The following MGAT4A variants were observed in gnomAD, a reference collection of about 807,000 sequenced individuals.
MGAT4A encodes the protein alpha-1,3-mannosyl-glycoprotein 4-beta-N-acetylglucosaminyltransferase A.
In MGAT4A, 33 loss-of-function variants were observed where a neutral mutation model predicts 74.1. The observed-to-expected ratio is 0.45, with a 90% CI of 0.34 to 0.60. The LOEUF (loss-of-function observed/expected upper bound fraction) is 0.60, where lower values mean the gene tolerates loss of function less well. Ranked by LOEUF, MGAT4A falls within the 20% of genes least tolerant of loss-of-function variation. MGAT4A has a pLI of 0.02. For missense variants in MGAT4A, 479 were observed against 628.3 expected (o/e 0.76, Z 2.54); for synonymous variants, 198 against 210.4 (o/e 0.94, Z 0.51).
intron 2 of MGAT4A, among the ~76,000 whole-genome samples, chr2:98,687,100 AC>A (rs1201737072): frequency 6.6e-6 from 1 of 152,238 alleles, no homozygotes; most frequent in Non-Finnish European, 1.5e-5. Context: ...TTCCTTAAGT[AC>A]TTTAAAGTTA....
At chr2:98,701,855 G>A (rs946658401) in intron 2 of MGAT4A, among the ~76,000 whole-genome samples, 1 of 152,152 alleles carries the variant, frequency 6.6e-6, no homozygotes, top group Non-Finnish European at 1.5e-5. Flanking sequence ...CTTATGCCCT[G>A]ATGTTGTATG....
chr2:98,724,516 T>C lies in MGAT4A; in HGVS notation c.94+1723A>G, dbSNP rs188541868. Among the ~76,000 whole-genome samples, 177 of 152,330 alleles carry C rather than the reference T, an allele frequency of 1.2e-3. 1 individual carries two copies. The highest frequency in any genetic ancestry group is 3.4e-3 in the Middle Eastern group (1 of 294). On this transcript the variant is annotated intron_variant, in intron 2 of 15. Coordinates refer to ENST00000393487, the MANE Select transcript of MGAT4A (RefSeq NM_012214.3). ...CAAGTAGAAAATCAGAGCAGAAGTT[T>C]GCAAAGAAGAATTATGGAGCTATTC...
At chr2:98,699,663 T>C (rs947566618) in intron 2 of MGAT4A, among the ~76,000 whole-genome samples, 3 of 152,212 alleles carry the variant, frequency 2.0e-5, no homozygotes, top group Non-Finnish European at 4.4e-5. Context: ...CTAATTATGG[T>C]AATTGTAAAA....
At chr2:98,696,131 ACTC>A (rs1255592156) in intron 2 of MGAT4A, among the ~76,000 whole-genome samples, 1 of 152,024 alleles carries the variant, frequency 6.6e-6, no homozygotes, top group African/African-American at 2.4e-5. Flanking sequence ...GATCTGCACA[ACTC>A]AGCCTACCAA....
chr2:98,673,458 A>G (rs1701937174), intron 4 of MGAT4A, among the ~76,000 whole-genome samples: 1 of 152,198 alleles, frequency 6.6e-6, no homozygotes. Context: ...TAAAAATATT[A>G]AGAGCTTTTC....
chr2:98,711,724 C>T (rs957236384), intron 2 of MGAT4A, among the ~76,000 whole-genome samples: 2 of 152,124 alleles, frequency 1.3e-5, no homozygotes, highest in African/African-American at 4.8e-5. Flanking sequence ...GCAGCCTCAA[C>T]CTCCCAGTCC....
chr2:98,729,460 G>A (rs1702813018), intron 1 of MGAT4A, among the ~76,000 whole-genome samples: 1 of 152,070 alleles, frequency 6.6e-6, no homozygotes, highest in Admixed American at 6.5e-5. Flanking sequence ...TTTTATTAGT[G>A]TCCACATTTG....
chr2:98,630,631 T>G (rs1179320609), intron 14 of MGAT4A, among the ~76,000 whole-genome samples: 3 of 152,172 alleles, frequency 2.0e-5, no homozygotes, highest in Non-Finnish European at 4.4e-5. Context: ...ATAGGCATTT[T>G]GTTCCATGAA....
rs1183412661 is a variant in MGAT4A, at chr2:98,656,456, T to G, written c.594A>C (p.Lys198Asn). 6.3e-7 allele frequency: 1 copy of G among 1,594,858 alleles called. No homozygotes were observed. Among genetic ancestry groups the G allele is most frequent in the Non-Finnish European group, 8.5e-7 (1 of 1,171,692 alleles). ...VVANLEKEFSKEISSGLVEVI... is the reference protein window; with the variant it reads ...VVANLEKEFSNEISSGLVEVI... ...CTTCCACCAAGCCAGAACTGATTTCTTTAGAAAATCTATTATGAGAAAGTT... is the reference window on the plus strand; with the variant it reads ...CTTCCACCAAGCCAGAACTGATTTCGTTAGAAAATCTATTATGAGAAAGTT... The change falls in exon 7 of 16, where the codon AAA becomes AAC. Residue 198 changes from lysine (K) to asparagine (N), a missense_variant. Lys to Asn is a moderately conservative substitution (Grantham distance 94). Around this residue, in one of 3 missense-constraint regions of MGAT4A, gnomAD observed 205 missense variants for 232.7 expected, o/e 0.88. Coordinates refer to ENST00000393487, the MANE Select transcript of MGAT4A (RefSeq NM_012214.3).
At chr2:98,727,100 T>C (rs928714229) in intron 1 of MGAT4A, among the ~76,000 whole-genome samples, 1 of 152,250 alleles carries the variant, frequency 6.6e-6, no homozygotes, top group African/African-American at 2.4e-5. Context: ...CAATCTGTCC[T>C]GTGTCCTCTT....
chr2:98,701,600 T>A (rs1702356956), intron 2 of MGAT4A, among the ~76,000 whole-genome samples: 1 of 151,920 alleles, frequency 6.6e-6, no homozygotes, highest in African/African-American at 2.4e-5. Flanking sequence ...AGATTAGGAG[T>A]CTGTTTCAGG....
chr2:98,683,751 G>C (rs1311924422), intron 2 of MGAT4A, among the ~76,000 whole-genome samples: 1 of 152,154 alleles, frequency 6.6e-6, no homozygotes, highest in Non-Finnish European at 1.5e-5. Flanking sequence ...AGCAGTCCCA[G>C]TAGAGAAATG....
At position 98,619,705 on chromosome 2, in the gene MGAT4A, A is replaced by G. The variant is rs897068374; in HGVS notation, c.*5861T>C. On this transcript the variant is annotated 3_prime_UTR_variant, in exon 16 of 16. Transcript: ENST00000393487. ...TTTCACCAAATTTGAGCAAACACTG[A>G]GCATTTCAAATAAATAATGGAATGC... 7 of 152,240 alleles carry G rather than the reference A, an allele frequency of 4.6e-5. No homozygotes were observed. The highest frequency in any genetic ancestry group is 7.2e-5 in the African/African-American group (3 of 41,456). 9.4% of individuals were successfully genotyped at this position (152,240 alleles called of 1,614,324 possible). A position where few individuals can be genotyped will look rare whatever the true frequency, so the allele number is the denominator to read the frequency against.
intron 2 of MGAT4A, among the ~76,000 whole-genome samples, chr2:98,711,549 A>C (rs1485996571): frequency 6.6e-6 from 1 of 152,192 alleles, no homozygotes; most frequent in African/African-American, 2.4e-5. Flanking sequence ...ATAAGTTTAA[A>C]TATAAATATG....
At chr2:98,703,760 A>G (rs1281226746) in intron 2 of MGAT4A, among the ~76,000 whole-genome samples, 1 of 151,912 alleles carries the variant, frequency 6.6e-6, no homozygotes, top group African/African-American at 2.4e-5. Flanking sequence ...GCTTCCTTTT[A>G]CACTCTCCTA....
chr2:98,680,524 A>C (rs1559167591), intron 2 of MGAT4A, among the ~76,000 whole-genome samples: 3 of 152,202 alleles, frequency 2.0e-5, no homozygotes, highest in East Asian at 1.9e-4. Flanking sequence ...AGAAAAAAAT[A>C]TCTCTCTGTC....
intron 8 of MGAT4A, among the ~76,000 whole-genome samples, chr2:98,650,233 CA>C (rs1424240650): frequency 6.6e-6 from 1 of 151,506 alleles, no homozygotes; most frequent in Non-Finnish European, 1.5e-5. Flanking sequence ...GGCACAGGAG[CA>C]AAAAGAAAAA....
intron 14 of MGAT4A, among the ~76,000 whole-genome samples, chr2:98,628,908 A>G (rs1353500666): frequency 2.6e-5 from 4 of 152,322 alleles, no homozygotes; most frequent in Non-Finnish European, 5.9e-5. Flanking sequence ...TCTCTCCTGC[A>G]CCTACTCACT....
chr2:98,650,580 G>T (rs1431277976), intron 8 of MGAT4A, among the ~76,000 whole-genome samples: 1 of 152,156 alleles, frequency 6.6e-6, no homozygotes. Flanking sequence ...AGGGTGGAAT[G>T]ATATGTTCAA....
Sources: gnomAD v4.1 joint callset for allele counts (sites outside exome capture counted in the v4.1 genomes callset) on GRCh38, gnomAD v4.1.1 for gene constraint, gnomAD v4.1.1 regional missense constraint, MANE v1.5 for transcripts, NCBI Gene and HGNC (gene_info 2026-07-23, HGNC 2026-07-21) for gene names.